The following POU2F1 variants were observed in gnomAD, a reference collection of about 807,000 sequenced individuals.
POU2F1 encodes POU domain, class 2, transcription factor 1.
Under a neutral mutation model 84.9 loss-of-function variants are expected in POU2F1, and 16 were observed. The ratio of observed to expected loss-of-function variants is 0.19; its 90% confidence interval spans 0.13 to 0.29. The LOEUF is 0.29. Ranked by LOEUF, POU2F1 falls within the 10% of genes least tolerant of loss-of-function variation. The probability of loss-of-function intolerance (pLI) is 1.00; values close to 1 mark genes in which losing one functional copy is unlikely to be tolerated. For synonymous variants in POU2F1, 368 were observed against 368.3 expected (o/e 1.00, Z 0.01); for missense variants, 738 against 942.6 (o/e 0.78, Z 2.84).
intron 2 of POU2F1, among the ~76,000 whole-genome samples, chr1:167,342,953 C>T (rs1051384994): frequency 1.3e-5 from 2 of 151,942 alleles, no homozygotes; most frequent in Non-Finnish European, 2.9e-5. Flanking sequence ...TCCAGAGAGC[C>T]TCAGGAGCTC....
intron 7 of POU2F1, among the ~76,000 whole-genome samples, chr1:167,383,174 T>G (rs1647693300): frequency 6.6e-6 from 1 of 152,212 alleles, no homozygotes; most frequent in African/African-American, 2.4e-5. Flanking sequence ...AACTCTTTAC[T>G]CTGTATTTAA....
intron 1 of POU2F1, among the ~76,000 whole-genome samples, chr1:167,254,155 T>C (rs902084397): frequency 5.3e-5 from 8 of 152,234 alleles, no homozygotes; most frequent in African/African-American, 1.7e-4. Context: ...CTTTGGATAG[T>C]GCTCTTTCAA....
chr1:167,417,891 C>T lies in POU2F1; in HGVS notation c.*2081C>T, dbSNP rs555786900. 6.6e-6 allele frequency: 1 copy of T among 152,224 alleles called. No individual in the cohort carries two copies. Among genetic ancestry groups the T allele is most frequent in the East Asian group, 1.9e-4 (1 of 5,184 alleles). 9.4% of individuals were successfully genotyped at this position (152,224 alleles called of 1,614,324 possible). ...CATTTTAGTCCCCTTTAAAATATTT[C>T]TTTTAGTTTATTTCTATCGTGTTTT... is the stretch of plus-strand genomic sequence containing the variant. On this transcript the variant is annotated 3_prime_UTR_variant, in exon 16 of 16. Coordinates refer to ENST00000367866, the MANE Select transcript of POU2F1 (RefSeq NM_002697.4).
intron 2 of POU2F1, among the ~76,000 whole-genome samples, chr1:167,355,737 G>A (rs935989336): frequency 2.6e-5 from 4 of 151,974 alleles, no homozygotes; most frequent in Admixed American, 6.6e-5. Context: ...CTGGCCTTAA[G>A]CGATCCTCCC....
At chr1:167,332,661 T>C in intron 2 of POU2F1, 126 bp downstream of exon 2, 2 of 660,678 alleles carry the variant, frequency 3.0e-6, no homozygotes, top group Non-Finnish European at 5.1e-6. Context: ...TCAAATATGA[T>C]TCAGTCCTTT....
At chr1:167,278,745 T>G (rs1421257636) in intron 1 of POU2F1, among the ~76,000 whole-genome samples, 1 of 152,036 alleles carries the variant, frequency 6.6e-6, no homozygotes, top group Non-Finnish European at 1.5e-5. Context: ...TTTCAGTGCT[T>G]ACAATACGCC....
At position 167,248,795 on chromosome 1, in the gene POU2F1, A is replaced by G. The variant is rs528420101; in HGVS notation, c.61+27837A>G. ...AATATACAGTGCTTATTATGTGCCA[A>G]TTGCTATTCCAAGTGCTTTGTATTT... On this transcript the variant is annotated intron_variant, in intron 1 of 15. Coordinates refer to ENST00000367866, the MANE Select transcript of POU2F1 (RefSeq NM_002697.4). Among the ~76,000 whole-genome samples the G allele has an allele frequency of 3.9e-5, 6 of 152,318 alleles. No homozygotes were observed. The Middle Eastern group carries it at 0.01, about 259-fold the overall frequency.
At chr1:167,306,688 G>C (rs1557882222) in intron 1 of POU2F1, among the ~76,000 whole-genome samples, 1 of 152,088 alleles carries the variant, frequency 6.6e-6, no homozygotes, top group East Asian at 1.9e-4. Flanking sequence ...AGTAGGTTTG[G>C]TTCTTTCTGA....
intron 1 of POU2F1, among the ~76,000 whole-genome samples, chr1:167,236,208 A>G (rs1038547328): frequency 4.6e-5 from 7 of 151,612 alleles, no homozygotes; most frequent in African/African-American, 1.7e-4. Flanking sequence ...GGTTCAAGCA[A>G]TTCTCTGCCT....
chr1:167,281,021 C>CTAAG (rs1365283678), intron 1 of POU2F1, among the ~76,000 whole-genome samples: 2 of 152,180 alleles, frequency 1.3e-5, no homozygotes, highest in Admixed American at 1.3e-4. Context: ...TCCACCAAAG[C>CTAAG]TAAGTATCTT....
chr1:167,234,302 A>AT (rs1649290045), intron 1 of POU2F1, among the ~76,000 whole-genome samples: 1 of 152,228 alleles, frequency 6.6e-6, no homozygotes, highest in Admixed American at 6.5e-5. Context: ...GACACAGACA[A>AT]TTGATTATCA....
At chr1:167,324,720 C>A (rs1431105707) in intron 1 of POU2F1, among the ~76,000 whole-genome samples, 3 of 152,138 alleles carry the variant, frequency 2.0e-5, no homozygotes, top group African/African-American at 7.2e-5. Context: ...ATTAACTAGG[C>A]CTCAGTTTAC....
At chr1:167,365,972 A>G (rs1005966180) in intron 3 of POU2F1, among the ~76,000 whole-genome samples, 2 of 152,196 alleles carry the variant, frequency 1.3e-5, no homozygotes, top group African/African-American at 4.8e-5. Flanking sequence ...GTTCCAGACC[A>G]TGACAGTTGA....
chr1:167,367,458 G>A (rs369545740), intron 3 of POU2F1, among the ~76,000 whole-genome samples: 264 of 152,254 alleles, frequency 1.7e-3, no homozygotes, highest in African/African-American at 6.1e-3. Context: ...GACTACTGAG[G>A]AAGAAATGAT....
chr1:167,258,437 A>G (rs1651308904), intron 1 of POU2F1, among the ~76,000 whole-genome samples: 1 of 152,226 alleles, frequency 6.6e-6, no homozygotes, highest in Non-Finnish European at 1.5e-5. Context: ...GCACTTACAA[A>G]TTGCAAAAAA....
intron 1 of POU2F1, among the ~76,000 whole-genome samples, chr1:167,282,169 G>T (rs1653191988): frequency 6.7e-6 from 1 of 149,994 alleles, no homozygotes; most frequent in Admixed American, 6.6e-5. Flanking sequence ...TCTGAGACGA[G>T]TCTCGCTCTG....
intron 1 of POU2F1, among the ~76,000 whole-genome samples, chr1:167,260,046 T>G (rs2102430718): frequency 1.3e-5 from 2 of 152,016 alleles, no homozygotes; most frequent in Middle Eastern, 3.4e-3. Context: ...GCCCGGCAAA[T>G]TTTTTGTATT....
intron 2 of POU2F1, chr1:167,338,254 G>GA (rs1311905901): frequency 8.7e-6 from 4 of 460,434 alleles, no homozygotes; most frequent in African/African-American, 8.0e-5. Flanking sequence ...TCCACTTAAT[G>GA]AATAGTAAAT....
intron 2 of POU2F1, among the ~76,000 whole-genome samples, chr1:167,343,029 A>G (rs1436451668): frequency 1.3e-5 from 2 of 152,084 alleles, no homozygotes; most frequent in African/African-American, 4.8e-5. Context: ...ACCTCCCTCT[A>G]GTGTTTGATT....
Sources: allele counts gnomAD v4.1 joint callset (sites outside exome capture counted in the v4.1 genomes callset), GRCh38; gene constraint gnomAD v4.1.1; transcripts MANE v1.5; gene names NCBI Gene and HGNC (gene_info 2026-07-23, HGNC 2026-07-21).